Variants in NOSTRIN observed in about 807,000 individuals in gnomAD.
The protein encoded by NOSTRIN is nitric oxide synthase trafficking.
A neutral mutation model predicts 59.0 loss-of-function variants in NOSTRIN; 63 were observed. The observed-to-expected ratio is 1.07, with a 90% CI of 0.87 to 1.32. NOSTRIN has a LOEUF of 1.32. NOSTRIN is among the 40% of genes most tolerant of loss of function. The pLI, the probability that NOSTRIN is intolerant of heterozygous loss-of-function variation, is 0.00. For missense variants in NOSTRIN, 512 were observed against 473.1 expected, an observed-to-expected ratio of 1.08 and a Z score of -0.76; for synonymous variants, 200 against 165.4, an observed-to-expected ratio of 1.21 and a Z score of -1.61.
intron 8 of NOSTRIN, among the ~76,000 whole-genome samples, chr2:168,844,530 C>T (rs1688288921): frequency 6.6e-6 from 1 of 152,108 alleles, no homozygotes; most frequent in Non-Finnish European, 1.5e-5. Context: ...TTGTATTAAT[C>T]ATGACATTAT....
intron 8 of NOSTRIN, among the ~76,000 whole-genome samples, chr2:168,847,929 T>C (rs1688526072): frequency 6.6e-6 from 1 of 152,244 alleles, no homozygotes; most frequent in Non-Finnish European, 1.5e-5. Flanking sequence ...AGCATTACCA[T>C]GTCACTAAGG....
chr2:168,838,789 C>CTCT (rs771587466), intron 7 of NOSTRIN, among the ~76,000 whole-genome samples: 17 of 136,296 alleles, frequency 1.2e-4, no homozygotes, highest in African/African-American at 4.7e-4. Context: ...AAAAAAAACT[C>CTCT]TTTTTTTTTT....
At chr2:168,863,655 T>G in intron 15 of NOSTRIN, 1 of 906,922 alleles carries the variant, frequency 1.1e-6, no homozygotes, top group Non-Finnish European at 1.2e-6. Flanking sequence ...GGGAGTTACA[T>G]TTCTGTGCAA....
chr2:168,851,914 G>C (rs995890718), intron 10 of NOSTRIN, among the ~76,000 whole-genome samples: 2 of 152,112 alleles, frequency 1.3e-5, no homozygotes, highest in African/African-American at 4.8e-5. Flanking sequence ...ACATCTCCAG[G>C]CTCTTCCTCC....
chr2:168,862,759 C>CTTTA (rs1464242196), intron 15 of NOSTRIN, among the ~76,000 whole-genome samples: 1 of 152,096 alleles, frequency 6.6e-6, no homozygotes, highest in Non-Finnish European at 1.5e-5. Flanking sequence ...CCTCAACCTT[C>CTTTA]TTTATGTGTC....
At chr2:168,818,655 C>A (rs1297831148) in intron 2 of NOSTRIN, among the ~76,000 whole-genome samples, 1 of 152,064 alleles carries the variant, frequency 6.6e-6, no homozygotes, top group Non-Finnish European at 1.5e-5. Context: ...TCTTTTCTTT[C>A]AAAAATATAA....
chr2:168,856,515 C>A, intron 11 of NOSTRIN, 175 bp from the exon 12 acceptor site: 1 of 584,866 alleles, frequency 1.7e-6, no homozygotes, highest in Non-Finnish European at 3.1e-6. Context: ...GCAGAGGTTG[C>A]AGTGAGCCGA....
chr2:168,801,671 C>A (rs2105512469), upstream of NOSTRIN, among the ~76,000 whole-genome samples: 1 of 152,282 alleles, frequency 6.6e-6, no homozygotes, highest in East Asian at 1.9e-4. Context: ...TGGGGCCTGC[C>A]CTTGCCTGCC....
At chr2:168,788,097 A>G (rs1685252640) in intron 2 of NOSTRIN, 1 of 152,138 alleles carries the variant, frequency 6.6e-6, no homozygotes, top group African/African-American at 2.4e-5. Flanking sequence ...GATGACAGCC[A>G]GGCTTGGTGG....
At chr2:168,800,277 C>T, upstream of NOSTRIN, among the ~76,000 whole-genome samples, 1 of 152,188 alleles carries the variant, frequency 6.6e-6, no homozygotes. Context: ...GATTTGTGAA[C>T]CAAATAAAGT....
chr2:168,824,770 T>TTGTTTGTTTGTTTGTG, intron 3 of NOSTRIN, 53 bp downstream of exon 3: 1 of 770,640 alleles, frequency 1.3e-6, no homozygotes, highest in East Asian at 2.8e-5. Context: ...TATTTGTTTT[T>TTGTTTGTTTGTTTGTG]TGTTTGTTTG....
chr2:168,794,642 C>T (rs187386875), upstream of NOSTRIN, among the ~76,000 whole-genome samples: 25 of 152,342 alleles, frequency 1.6e-4, no homozygotes, highest in Middle Eastern at 3.4e-3. Context: ...TGAGCTACCA[C>T]GCCCAGCCCA....
intron 2 of NOSTRIN, among the ~76,000 whole-genome samples, chr2:168,791,382 C>T (rs1271179525): frequency 6.6e-6 from 1 of 152,156 alleles, no homozygotes; most frequent in Non-Finnish European, 1.5e-5. Context: ...TTTCTTAATC[C>T]AGTCTATCAT....
chr2:168,820,950 T>C (rs1344783245), intron 2 of NOSTRIN, among the ~76,000 whole-genome samples: 1 of 152,200 alleles, frequency 6.6e-6, no homozygotes, highest in Non-Finnish European at 1.5e-5. Context: ...TGACTGACAG[T>C]GTTACCTTTC....
intron 8 of NOSTRIN, among the ~76,000 whole-genome samples, chr2:168,843,556 T>C (rs568729590): frequency 2.8e-4 from 42 of 152,268 alleles, no homozygotes; most frequent in African/African-American, 1.0e-3. Context: ...GATGTGTACA[T>C]CTCAGTGGCA....
chr2:168,808,914 A>AT lies in NOSTRIN; in HGVS notation c.28-2652dup, dbSNP rs1425747949. On this transcript the variant is annotated intron_variant, in intron 1 of 15. Transcript: ENST00000317647. ...CAAATAAATTATGAAAAGGAAAAAA[A>AT]TAGTTGTTTAAAGAGAAAGCAGAAG... Among the ~76,000 whole-genome samples the AT allele has an allele frequency of 2.6e-5, 4 of 152,228 alleles. No individual in the cohort carries two copies. In the East Asian group the frequency reaches 7.7e-4, roughly 29 times the overall value.
intron 7 of NOSTRIN, among the ~76,000 whole-genome samples, 167 bp downstream of exon 7, chr2:168,834,492 C>T (rs1377446819): frequency 3.6e-4 from 21 of 58,826 alleles, no homozygotes; most frequent in Admixed American, 2.0e-3. Context: ...TACTGGCGTG[C>T]GCGCGCGCGC....
intron 1 of NOSTRIN, among the ~76,000 whole-genome samples, chr2:168,806,376 C>A (rs936145153): frequency 3.9e-5 from 6 of 151,988 alleles, no homozygotes; most frequent in Non-Finnish European, 8.8e-5. Context: ...AGCAGGTGGG[C>A]CAAGCTTGAT....
chr2:168,820,483 AG>A (rs1277322830), intron 2 of NOSTRIN, among the ~76,000 whole-genome samples: 2 of 152,188 alleles, frequency 1.3e-5, no homozygotes, highest in African/African-American at 4.8e-5. Flanking sequence ...CACCTTTGTC[AG>A]GAGACCACTG....
Sources: gnomAD v4.1 joint callset for allele counts (sites outside exome capture counted in the v4.1 genomes callset) on GRCh38, gnomAD v4.1.1 for gene constraint, MANE v1.5 for transcripts, NCBI Gene and HGNC (gene_info 2026-07-23, HGNC 2026-07-21) for gene names.